The following MECOM variants were observed in gnomAD, a reference collection of about 807,000 sequenced individuals.
MECOM encodes the protein MDS1 and EVI1 complex locus, also known as histone-lysine N-methyltransferase MECOM.
A neutral mutation model predicts 116.3 loss-of-function variants in MECOM; 13 were observed. That is an observed-to-expected ratio of 0.11 (90% CI 0.07 to 0.18). The LOEUF (loss-of-function observed/expected upper bound fraction) is 0.18, where lower values mean the gene tolerates loss of function less well. Ranked by LOEUF, MECOM falls within the 10% of genes least tolerant of loss-of-function variation. MECOM has a pLI of 1.00. For synonymous variants in MECOM, 528 were observed against 535.2 expected (o/e 0.99, Z 0.19); for missense variants, 1,299 against 1,509.0 (o/e 0.86, Z 2.31).
chr3:169,242,532 T>C (rs1435736960), intron 2 of MECOM, among the ~76,000 whole-genome samples: 1 of 152,122 alleles, frequency 6.6e-6, no homozygotes, highest in Non-Finnish European at 1.5e-5. Context: ...CCCTTGGTGC[T>C]CCTGATGCGG....
chr3:169,262,626 T>G (rs1024020057), intron 2 of MECOM, among the ~76,000 whole-genome samples: 2 of 151,970 alleles, frequency 1.3e-5, no homozygotes, highest in Non-Finnish European at 2.9e-5. Flanking sequence ...CCTCCCAGGG[T>G]GAACTTAGAA....
chr3:169,376,887 G>A (rs1731133808), intron 2 of MECOM, among the ~76,000 whole-genome samples: 1 of 152,116 alleles, frequency 6.6e-6, no homozygotes, highest in African/African-American at 2.4e-5. Context: ...TAAGCAAAAA[G>A]AACAAAGCTG....
chr3:169,386,805 A>G (rs1733397229), intron 1 of MECOM, among the ~76,000 whole-genome samples: 2 of 152,284 alleles, frequency 1.3e-5, no homozygotes, highest in East Asian at 3.9e-4. Context: ...AGTGTATAGC[A>G]ATTTACACTT....
At chr3:169,619,057 C>T (rs1433109859) in intron 1 of MECOM, among the ~76,000 whole-genome samples, 1 of 150,156 alleles carries the variant, frequency 6.7e-6, no homozygotes, top group African/African-American at 2.4e-5. Context: ...TAAAGAGAAA[C>T]AGCTATAAAA....
chr3:169,290,877 T>C (rs1205951911), intron 2 of MECOM, among the ~76,000 whole-genome samples: 1 of 152,150 alleles, frequency 6.6e-6, no homozygotes, highest in Non-Finnish European at 1.5e-5. Flanking sequence ...ATGGTGGTGG[T>C]TTTCATGTTT....
At chr3:169,318,421 G>GA (rs1198865087) in intron 2 of MECOM, among the ~76,000 whole-genome samples, 1 of 151,912 alleles carries the variant, frequency 6.6e-6, no homozygotes, top group Non-Finnish European at 1.5e-5. Flanking sequence ...AAATTTACAA[G>GA]AAAAAAACAA....
At chr3:169,153,405 AG>A (rs1474683957) in intron 2 of MECOM, among the ~76,000 whole-genome samples, 1 of 152,218 alleles carries the variant, frequency 6.6e-6, no homozygotes, top group African/African-American at 2.4e-5. Flanking sequence ...ATTTTATAAA[AG>A]ATAACTTTGC....
At chr3:169,414,568 G>A (rs2108472319) in intron 1 of MECOM, among the ~76,000 whole-genome samples, 1 of 152,178 alleles carries the variant, frequency 6.6e-6, no homozygotes. Flanking sequence ...TTCAGAAGGT[G>A]GGTAATAACA....
intron 1 of MECOM, among the ~76,000 whole-genome samples, chr3:169,659,185 C>T (rs1775925213): frequency 6.6e-6 from 1 of 152,028 alleles, no homozygotes; most frequent in African/African-American, 2.4e-5. Context: ...GGAAGCCGGC[C>T]CCAGGGCCCA....
At chr3:169,425,106 C>CT (rs909034460) in intron 1 of MECOM, among the ~76,000 whole-genome samples, 1 of 150,672 alleles carries the variant, frequency 6.6e-6, no homozygotes, top group African/African-American at 2.5e-5. Flanking sequence ...GAAACCCCCC[C>CT]CCACTTGCAT....
At chr3:169,256,591 C>T (rs1756892549) in intron 2 of MECOM, among the ~76,000 whole-genome samples, 1 of 152,158 alleles carries the variant, frequency 6.6e-6, no homozygotes, top group Non-Finnish European at 1.5e-5. Flanking sequence ...TTCAATAACA[C>T]AGATTTCAAG....
intron 1 of MECOM, among the ~76,000 whole-genome samples, chr3:169,635,183 C>T (rs1407550606): frequency 6.6e-6 from 1 of 152,214 alleles, no homozygotes; most frequent in Non-Finnish European, 1.5e-5. Context: ...AGTTACTGAA[C>T]CTCTGCCCCT....
At chr3:169,624,946 T>A (rs766100312) in intron 1 of MECOM, among the ~76,000 whole-genome samples, 3 of 151,810 alleles carry the variant, frequency 2.0e-5, no homozygotes, top group Non-Finnish European at 4.4e-5. Flanking sequence ...TGACAAGGAA[T>A]TTCTCATCAA....
chr3:169,410,854 T>C (rs1178745492), intron 1 of MECOM, among the ~76,000 whole-genome samples: 1 of 152,190 alleles, frequency 6.6e-6, no homozygotes, highest in Admixed American at 6.5e-5. Flanking sequence ...CAAAACATTG[T>C]CATTATTTTA....
chr3:169,618,620 GCACTC>G (rs1484113468), intron 1 of MECOM, among the ~76,000 whole-genome samples: 6 of 152,112 alleles, frequency 3.9e-5, no homozygotes, highest in African/African-American at 1.4e-4. Flanking sequence ...TCACACCACT[GCACTC>G]CAGCCTGGTG....
chr3:169,251,857 G>T (rs1756278252), intron 2 of MECOM, among the ~76,000 whole-genome samples: 1 of 152,112 alleles, frequency 6.6e-6, no homozygotes, highest in African/African-American at 2.4e-5. Flanking sequence ...ACTCAGAATA[G>T]GAATCTATTG....
chr3:169,193,940 T>A (rs2149431789), intron 2 of MECOM, among the ~76,000 whole-genome samples: 1 of 152,196 alleles, frequency 6.6e-6, no homozygotes, highest in African/African-American at 2.4e-5. Flanking sequence ...TTATGTCTCA[T>A]GTTGCACTCT....
intron 1 of MECOM, among the ~76,000 whole-genome samples, chr3:169,534,719 T>C (rs1759118301): frequency 6.6e-6 from 1 of 152,174 alleles, no homozygotes; most frequent in Admixed American, 6.5e-5. Context: ...AACTAACACA[T>C]GCAATCCTCA....
chr3:169,602,145 A>G (rs11708171), intron 1 of MECOM, among the ~76,000 whole-genome samples: 65,285 of 151,874 alleles, frequency 0.43, 14,390 homozygotes, highest in Admixed American at 0.5. Context: ...ATATACTCTG[A>G]TTTGAATGGT....
Sources: gnomAD v4.1 joint callset for allele counts (sites outside exome capture counted in the v4.1 genomes callset) on GRCh38, gnomAD v4.1.1 for gene constraint, MANE v1.5 for transcripts, NCBI Gene and HGNC (gene_info 2026-07-23, HGNC 2026-07-21) for gene names.